MAP3K21: variants seen among roughly 807,000 people sequenced by gnomAD.
The protein encoded by MAP3K21 is mitogen-activated protein kinase kinase kinase MLK4.
A neutral mutation model predicts 86.1 loss-of-function variants in MAP3K21; 63 were observed. The ratio of observed to expected loss-of-function variants is 0.73; its 90% CI spans 0.60 to 0.90. MAP3K21 has a LOEUF of 0.90. Ranked by LOEUF, MAP3K21 falls within the 40% of genes least tolerant of loss-of-function variation. The probability of loss-of-function intolerance (pLI) is 0.00; values close to 1 mark genes in which losing one functional copy is unlikely to be tolerated. For synonymous variants in MAP3K21, 558 were observed against 564.8 expected (o/e 0.99, Z 0.17); for missense variants, 1,220 against 1,367.7 (o/e 0.89, Z 1.70).
At chr1:233,330,430 G>C (rs943655987) in intron 1 of MAP3K21, among the ~76,000 whole-genome samples, 5 of 152,022 alleles carry the variant, frequency 3.3e-5, no homozygotes, top group African/African-American at 1.2e-4. Context: ...CTTTTCTTTC[G>C]ATAATATATA....
chr1:233,344,520 C>A (rs1388663429), intron 1 of MAP3K21, among the ~76,000 whole-genome samples: 3 of 152,144 alleles, frequency 2.0e-5, no homozygotes, highest in African/African-American at 4.8e-5. Context: ...GGAAAACTGG[C>A]TAGCCATATG....
chr1:233,379,148 C>A lies in MAP3K21; in HGVS notation c.2142C>A (p.Pro714=), dbSNP rs1249602041. ...MTPTNSLSRS[P]QRKKTESALY... ...CTACGAATAGTCTGAGTAGATCCCC[C>A]CAGAGAAAGAAAACGGAGTCAGCTC... Residue 714 remains proline, a synonymous_variant, in exon 9 of 10, where the codon CCC becomes CCA. Coordinates refer to ENST00000366624, the MANE Select transcript of MAP3K21 (RefSeq NM_032435.3). 6.2e-7 allele frequency: 1 copy of A among 1,614,062 alleles called. No homozygotes were observed. The highest frequency in any genetic ancestry group is 1.3e-5 in the African/African-American group (1 of 74,936).
At chr1:233,338,228 T>C (rs545376640) in intron 1 of MAP3K21, among the ~76,000 whole-genome samples, 1 of 152,384 alleles carries the variant, frequency 6.6e-6, no homozygotes, top group East Asian at 1.9e-4. Context: ...AGTTCTGTTT[T>C]AGCTTATCAC....
chr1:233,371,884 G>A (rs1184359400), intron 5 of MAP3K21, among the ~76,000 whole-genome samples, 154 bp from the exon 6 acceptor site: 2 of 151,912 alleles, frequency 1.3e-5, no homozygotes, highest in African/African-American at 2.4e-5. Context: ...CCTGAACCCC[G>A]AGAAGTAAGA....
chr1:233,339,312 CTT>C (rs1336861868), intron 1 of MAP3K21, among the ~76,000 whole-genome samples: 6 of 141,542 alleles, frequency 4.2e-5, no homozygotes, highest in African/African-American at 5.3e-5. Flanking sequence ...TCCTCTTCTT[CTT>C]CCTCTTCTTC....
chr1:233,335,967 C>G (rs1662904389), intron 1 of MAP3K21, among the ~76,000 whole-genome samples: 1 of 152,248 alleles, frequency 6.6e-6, no homozygotes, highest in South Asian at 2.1e-4. Context: ...ACACTGTCAC[C>G]ATCTTAGGGA....
intron 4 of MAP3K21, among the ~76,000 whole-genome samples, chr1:233,356,839 C>CAA (rs1663366938): frequency 6.6e-6 from 1 of 152,172 alleles, no homozygotes; most frequent in Non-Finnish European, 1.5e-5. Flanking sequence ...ACCAATTTTA[C>CAA]TATAGGCTGA....
In MAP3K21 at chr1:233,333,293, C is replaced by T. The variant is rs548172816; in HGVS notation, c.805+4460C>T. ...TTCATGCTATAGCTGCTTCCTATTC[C>T]AGGAGGCACAGAGAAGTCAGTCCAG... On this transcript the variant is annotated intron_variant, in intron 1 of 9. Transcript: ENST00000366624. 2.0e-5 allele frequency among the ~76,000 whole-genome samples: 3 copies of T among 152,248 alleles called. No homozygotes were observed. In the East Asian group the frequency reaches 5.8e-4, roughly 29 times the overall value.
At chr1:233,377,605 C>T (rs762854867) in intron 8 of MAP3K21, among the ~76,000 whole-genome samples, 5 of 152,210 alleles carry the variant, frequency 3.3e-5, no homozygotes, top group Admixed American at 6.5e-5. Context: ...AAATTGTCTA[C>T]ATCAGCAGTC....
chr1:233,334,966 T>TC (rs1157939810), intron 1 of MAP3K21, among the ~76,000 whole-genome samples: 1 of 151,656 alleles, frequency 6.6e-6, no homozygotes, highest in Non-Finnish European at 1.5e-5. Context: ...TTTCTTTCTT[T>TC]TTTTTTTTTA....
intron 1 of MAP3K21, among the ~76,000 whole-genome samples, chr1:233,335,852 A>G (rs1239561389): frequency 6.6e-6 from 1 of 152,246 alleles, no homozygotes; most frequent in Non-Finnish European, 1.5e-5. Flanking sequence ...TATTTTCCCA[A>G]ACAAATTTAA....
Position 233,376,494 on chromosome 1 carries a change from A to G in MAP3K21, c.1891A>G (p.Met631Val). 1 of 1,613,664 alleles carries G rather than the reference A, an allele frequency of 6.2e-7. No individual in the cohort carries two copies. Among genetic ancestry groups the G allele is most frequent in the Non-Finnish European group, 8.5e-7 (1 of 1,179,692 alleles). The change falls in exon 8 of 10, where the codon ATG becomes GTG. Residue 631 changes from methionine (M) to valine (V), a missense_variant. Physicochemically the swap from Met to Val is conservative, Grantham distance 21 (BLOSUM62 1). Around this residue, in one of 5 missense-constraint regions of MAP3K21, gnomAD observed 632 missense variants for 691.3 expected, o/e 0.91. Transcript: ENST00000366624. ...STILIKNQKT[M>V]PLASLFVDQP... is the part of the protein sequence containing the mutation. ...TATCTTAATAAAAAATCAGAAAACC[A>G]TGCCCTTGGCTTCATTGTTTGTGGA...
rs370420185 is a variant in MAP3K21, at chr1:233,378,946, C to A, written c.1940C>A (p.Pro647Gln). 6.2e-7 allele frequency: 1 copy of A among 1,611,488 alleles called. No individual in the cohort carries two copies. The highest frequency in any genetic ancestry group is 8.5e-7 in the Non-Finnish European group (1 of 1,178,586). Residue 647 changes from proline (P) to glutamine (Q), a missense_variant, in exon 9 of 10, where the codon CCA becomes CAA. This residue lies in a region of MAP3K21 where 632 missense variants were observed against 691.3 expected (regional missense o/e 0.91). Coordinates refer to ENST00000366624, the MANE Select transcript of MAP3K21 (RefSeq NM_032435.3). ...FVDQPGSCEE[P>Q]KLSPDGLEHR... Reference sequence around the variant, plus strand: ...CTTTATTTAGGGTCCTGTGAAGAGCCAAAACTTTCCCCTGATGGATTAGAA... The same window carrying A: ...CTTTATTTAGGGTCCTGTGAAGAGCAAAAACTTTCCCCTGATGGATTAGAA...
At chr1:233,367,657 C>T (rs1456071839) in intron 5 of MAP3K21, among the ~76,000 whole-genome samples, 7 of 152,004 alleles carry the variant, frequency 4.6e-5, no homozygotes, top group Non-Finnish European at 1.5e-5. Context: ...GTCAGGAATT[C>T]GAGACCAGCC....
intron 2 of MAP3K21, among the ~76,000 whole-genome samples, chr1:233,348,754 T>C (rs889975098): frequency 2.2e-4 from 34 of 152,262 alleles, no homozygotes; most frequent in African/African-American, 5.1e-4. Context: ...TACTTTTTTT[T>C]CCCTTTTTTT....
Position 233,328,846 on chromosome 1 carries a change from A to G in MAP3K21, c.805+13A>G, listed in dbSNP as rs1239960597. 2.0e-6 allele frequency: 3 copies of G among 1,496,758 alleles called. No individual in the cohort carries two copies. The highest frequency in any genetic ancestry group is 4.4e-5 in the Admixed American group (2 of 45,770). The allele number at this position is 1,496,758 out of a possible 1,614,324, so 92.7% of individuals were successfully genotyped here. ...AAGTCCAGCAACAGTAAGTGGGGCC[A>G]GAGGGAGGTGGGGGAAGACTACCTC... On this transcript the variant is annotated intron_variant, in intron 1 of 9. Coordinates refer to ENST00000366624, the MANE Select transcript of MAP3K21 (RefSeq NM_032435.3). The surrounding 1 kb of genome is among the most constrained non-coding windows in gnomAD (Gnocchi z 8.7).
chr1:233,379,006 A>G lies in MAP3K21; in HGVS notation c.2000A>G (p.Gln667Arg), dbSNP rs1663851471. 3.1e-6 allele frequency: 5 copies of G among 1,614,088 alleles called. No homozygotes were observed. The highest frequency in any genetic ancestry group is 1.7e-5 in the Admixed American group (1 of 60,004). The change falls in exon 9 of 10, where the codon CAG becomes CGG. Residue 667 changes from glutamine to arginine, a missense_variant. Gln to Arg is a conservative substitution (Grantham distance 43, BLOSUM62 1). Around this residue, in one of 5 missense-constraint regions of MAP3K21, gnomAD observed 632 missense variants for 691.3 expected, o/e 0.91. Coordinates refer to ENST00000366624, the MANE Select transcript of MAP3K21 (RefSeq NM_032435.3). Reference sequence around the variant, plus strand: ...CCAAAACAAATAAAATTGCCTAGTCAGGCCTACATTGATCTACCTCTTGGG... The same window carrying G: ...CCAAAACAAATAAAATTGCCTAGTCGGGCCTACATTGATCTACCTCTTGGG... ...RKPKQIKLPSQAYIDLPLGKD... is the reference protein window; with the variant it reads ...RKPKQIKLPSRAYIDLPLGKD...
In MAP3K21 at chr1:233,382,740, T is replaced by A; in HGVS notation, c.*29T>A. ...AAGTGCCTTACTGTTGTTTAAGCAT[T>A]TTTTTAAGGTGAACAAATGAACACA... On this transcript the variant is annotated 3_prime_UTR_variant, in exon 10 of 10. Transcript: ENST00000366624. 3 of 1,579,830 alleles carry A rather than the reference T, an allele frequency of 1.9e-6. No individual in the cohort carries two copies. The highest frequency in any genetic ancestry group is 2.6e-6 in the Non-Finnish European group (3 of 1,153,972).
At position 233,346,533 on chromosome 1, in the gene MAP3K21, C is replaced by A. The variant is rs370889824; in HGVS notation, c.897C>A (p.Thr299=). ...DFGLAREWHR[T]TKMSTAGTYA... is the part of the protein sequence containing the mutation. ...GGTTGGCGAGGGAATGGCACAGGAC[C>A]ACCAAAATGAGCACAGCAGGCACCT... The change falls in exon 2 of 10, where the codon ACC becomes ACA. Residue 299 remains threonine (T), a synonymous_variant. Transcript: ENST00000366624. 111 of 1,613,670 alleles carry A rather than the reference C, an allele frequency of 6.9e-5. 1 individual carries two copies. The highest frequency in any genetic ancestry group is 1.6e-4 in the Middle Eastern group (1 of 6,082).
Sources: allele counts gnomAD v4.1 joint callset (sites outside exome capture counted in the v4.1 genomes callset), GRCh38; gene constraint gnomAD v4.1.1; regional missense constraint gnomAD v4.1.1; non-coding constraint Gnocchi (gnomAD v3.1); transcripts MANE v1.5; gene names NCBI Gene and HGNC (gene_info 2026-07-23, HGNC 2026-07-21).